Variants in RANBP2 observed in about 807,000 individuals in gnomAD.
The protein encoded by RANBP2 is RAN binding protein 2.
RANBP2 carries 57 observed loss-of-function variants against 303.6 expected under a neutral mutation model. The observed-to-expected ratio is 0.19, with a 90% CI of 0.15 to 0.23. The LOEUF is 0.23. Among genes scored for constraint, RANBP2 ranks in the 10% least tolerant of loss-of-function variants. The probability of loss-of-function intolerance (pLI) is 1.00; values close to 1 mark genes in which losing one functional copy is unlikely to be tolerated. For missense variants in RANBP2, 3,138 were observed against 3,780.8 expected (o/e 0.83, Z 4.46); for synonymous variants, 1,167 against 1,301.5 (o/e 0.90, Z 2.23).
At chr2:109,475,309 G>T in the RANBP2 span, among the ~76,000 whole-genome samples, 1 of 152,186 alleles carries the variant, frequency 6.6e-6, no homozygotes, top group East Asian at 1.9e-4. Flanking sequence ...AGGGCTACAG[G>T]ACTATTGTGT....
chr2:109,390,642 G>T, the RANBP2 span, among the ~76,000 whole-genome samples: 1 of 152,212 alleles, frequency 6.6e-6, no homozygotes, highest in East Asian at 1.9e-4. Context: ...GCAAGTGGGG[G>T]TGCGGTCGGC....
chr2:108,878,861 A>C, the RANBP2 span, among the ~76,000 whole-genome samples: 72 of 152,320 alleles, frequency 4.7e-4, 1 homozygote, highest in African/African-American at 1.7e-3. Context: ...AATGTAAGAT[A>C]AAGAATCCTT....
the RANBP2 span, among the ~76,000 whole-genome samples, chr2:109,205,631 G>A: frequency 2.0e-5 from 3 of 152,120 alleles, no homozygotes; most frequent in Admixed American, 6.5e-5. Context: ...AGAAGGCCAC[G>A]GTGAGAATCA....
the RANBP2 span, among the ~76,000 whole-genome samples, chr2:109,110,492 G>A: frequency 6.6e-6 from 1 of 152,224 alleles, no homozygotes; most frequent in African/African-American, 2.4e-5. Context: ...CCATAAGGTA[G>A]ATCAGTAACA....
the RANBP2 span, among the ~76,000 whole-genome samples, chr2:108,926,928 C>T: frequency 1.2e-4 from 18 of 152,208 alleles, no homozygotes; most frequent in Admixed American, 2.0e-4. Flanking sequence ...TGTGACACAG[C>T]GTGACAGCCT....
chr2:109,626,135 T>G, the RANBP2 span, among the ~76,000 whole-genome samples: 4 of 152,236 alleles, frequency 2.6e-5, no homozygotes, highest in African/African-American at 9.6e-5. Flanking sequence ...GTCCCTATTT[T>G]GTTGTTTCTT....
At chr2:109,255,530 C>A in the RANBP2 span, among the ~76,000 whole-genome samples, 1 of 152,156 alleles carries the variant, frequency 6.6e-6, no homozygotes, top group African/African-American at 2.4e-5. Context: ...GCAAATAACC[C>A]CATCAAAATC....
chr2:108,794,520 A>G, the RANBP2 span: 1 of 1,580,664 alleles, frequency 6.3e-7, no homozygotes, highest in Non-Finnish European at 8.6e-7. Context: ...TTTATAATGC[A>G]AATGTTATTT....
the RANBP2 span, among the ~76,000 whole-genome samples, chr2:109,135,716 A>T: frequency 6.6e-6 from 1 of 152,006 alleles, no homozygotes; most frequent in African/African-American, 2.4e-5. Flanking sequence ...TTGCCTCTAG[A>T]TTCAGTCAGT....
chr2:109,504,209 C>T, the RANBP2 span: 1 of 152,216 alleles, frequency 6.6e-6, no homozygotes, highest in Non-Finnish European at 1.5e-5. Flanking sequence ...TGAAACTAAC[C>T]CTTATGTTTC....
chr2:109,552,976 A>G, the RANBP2 span: 1 of 1,216,286 alleles, frequency 8.2e-7, no homozygotes, highest in South Asian at 1.5e-5. Flanking sequence ...GCTACTCTTT[A>G]AAGAACAAGT....
chr2:109,151,700 G>A, the RANBP2 span, among the ~76,000 whole-genome samples: 2 of 152,234 alleles, frequency 1.3e-5, no homozygotes, highest in South Asian at 2.1e-4. Context: ...GGCATGTGGT[G>A]CCCACAGGTG....
At chr2:109,764,667 G>A in the RANBP2 span, among the ~76,000 whole-genome samples, 24 of 147,450 alleles carry the variant, frequency 1.6e-4, 1 homozygote, top group African/African-American at 6.0e-4. Flanking sequence ...AGGAAAAATT[G>A]AATTAAAAAA....
At chr2:109,522,452 A>T in the RANBP2 span, among the ~76,000 whole-genome samples, 1 of 151,980 alleles carries the variant, frequency 6.6e-6, no homozygotes, top group Non-Finnish European at 1.5e-5. Context: ...ACCTGCCACC[A>T]TGCCCAGCTA....
the RANBP2 span, among the ~76,000 whole-genome samples, chr2:109,135,150 C>T: frequency 1.3e-5 from 2 of 152,222 alleles, no homozygotes; most frequent in Non-Finnish European, 2.9e-5. Context: ...GGTTTCTTCC[C>T]CTTGTACTTA....
At chr2:108,729,919 T>C (rs1370162974) in intron 2 of RANBP2, among the ~76,000 whole-genome samples, 5 of 152,046 alleles carry the variant, frequency 3.3e-5, no homozygotes, top group Non-Finnish European at 5.9e-5. Flanking sequence ...CAGGTGTCAC[T>C]ATGTTGCCCA....
chr2:109,564,110 CA>C, the RANBP2 span: 1 of 359,832 alleles, frequency 2.8e-6, no homozygotes, highest in African/African-American at 2.1e-5. Context: ...TGAACTGAAA[CA>C]GGGGGCCTCT....
the RANBP2 span, among the ~76,000 whole-genome samples, chr2:109,586,158 G>A: frequency 6.6e-6 from 1 of 152,072 alleles, no homozygotes; most frequent in South Asian, 2.1e-4. Flanking sequence ...AAGTCCATTT[G>A]TTTATGATAA....
the RANBP2 span, among the ~76,000 whole-genome samples, chr2:109,212,288 G>C: frequency 6.6e-6 from 1 of 152,226 alleles, no homozygotes. Context: ...GCTGAAGGAA[G>C]TCAGTTGGCT....
Sources: gnomAD v4.1 joint callset for allele counts (sites outside exome capture counted in the v4.1 genomes callset) on GRCh38, gnomAD v4.1.1 for gene constraint, MANE v1.5 for transcripts, NCBI Gene and HGNC (gene_info 2026-07-23, HGNC 2026-07-21) for gene names.